PTCSC3: variants seen among roughly 807,000 people sequenced by gnomAD.
PTCSC3 encodes papillary thyroid carcinoma susceptibility candidate 3.
At chr14:36,166,620 G>A (rs2139110977) in intron 1 of PTCSC3, among the ~76,000 whole-genome samples, 1 of 151,894 alleles carries the variant, frequency 6.6e-6, no homozygotes, top group Non-Finnish European at 1.5e-5. Context: ...TTCCTTTATT[G>A]TTACAGTTGT....
chr14:36,140,727 A>G (rs1016108429), intron 3 of PTCSC3, among the ~76,000 whole-genome samples: 1 of 152,092 alleles, frequency 6.6e-6, no homozygotes, highest in Non-Finnish European at 1.5e-5. Context: ...TTTTTAGAGC[A>G]GAAAATTTTA....
intron 2 of PTCSC3, among the ~76,000 whole-genome samples, chr14:36,159,923 A>G (rs1022993849): frequency 6.6e-5 from 10 of 152,146 alleles, no homozygotes; most frequent in Non-Finnish European, 1.5e-4. Context: ...CTGGGTGCAT[A>G]TATATTTAGG....
At chr14:36,156,989 ACT>A (rs1436620026) in intron 2 of PTCSC3, among the ~76,000 whole-genome samples, 1 of 152,150 alleles carries the variant, frequency 6.6e-6, no homozygotes, top group African/African-American at 2.4e-5. Flanking sequence ...GAATCGCCAC[ACT>A]GTCTTCCACA....
At chr14:36,139,113 C>CAAA (rs1396431052) in intron 3 of PTCSC3, among the ~76,000 whole-genome samples, 1 of 73,882 alleles carries the variant, frequency 1.4e-5, no homozygotes, top group Non-Finnish European at 3.1e-5. Context: ...GACTCCATCT[C>CAAA]AAAAATAAAA....
chr14:36,139,206 C>A (rs1416496493), intron 3 of PTCSC3, among the ~76,000 whole-genome samples: 1 of 150,924 alleles, frequency 6.6e-6, no homozygotes, highest in Admixed American at 6.6e-5. Context: ...TAATAAGAGC[C>A]TTGAACTGAA....
chr14:36,152,258 C>A (rs771514630), intron 3 of PTCSC3, among the ~76,000 whole-genome samples: 1 of 151,758 alleles, frequency 6.6e-6, no homozygotes, highest in Non-Finnish European at 1.5e-5. Context: ...ATAAATTGGA[C>A]TTTATTAAAA....
chr14:36,139,113 C>CAAAAAAA (rs1396431052), intron 3 of PTCSC3, among the ~76,000 whole-genome samples: 1 of 73,856 alleles, frequency 1.4e-5, no homozygotes, highest in African/African-American at 4.3e-5. Flanking sequence ...GACTCCATCT[C>CAAAAAAA]AAAAATAAAA....
chr14:36,142,822 A>C, intron 3 of PTCSC3, among the ~76,000 whole-genome samples: 1 of 100,554 alleles, frequency 9.9e-6, no homozygotes, highest in Non-Finnish European at 1.9e-5. Context: ...CCCACCCCAC[A>C]ACAGTCCCCA....
chr14:36,146,532 C>T (rs1438942330), intron 3 of PTCSC3, among the ~76,000 whole-genome samples: 2 of 118,412 alleles, frequency 1.7e-5, no homozygotes, highest in Admixed American at 1.7e-4. Flanking sequence ...TTCCTCCATC[C>T]TTTTATTTTG....
chr14:36,168,055 G>A (rs757369148), intron 1 of PTCSC3, among the ~76,000 whole-genome samples: 5 of 152,066 alleles, frequency 3.3e-5, no homozygotes, highest in Admixed American at 2.0e-4. Flanking sequence ...GAAGTCCAGT[G>A]ATGCTGGTAG....
chr14:36,151,804 A>C (rs1881730382), intron 3 of PTCSC3, among the ~76,000 whole-genome samples: 1 of 152,192 alleles, frequency 6.6e-6, no homozygotes, highest in East Asian at 1.9e-4. Flanking sequence ...GAAGACCAGA[A>C]TGCTCTGGGC....
intron 1 of PTCSC3, among the ~76,000 whole-genome samples, chr14:36,175,147 C>T (rs571298159): frequency 2.6e-4 from 39 of 152,292 alleles, no homozygotes; most frequent in African/African-American, 8.7e-4. Flanking sequence ...TTACCCTGAA[C>T]GCTGATGTCT....
intron 2 of PTCSC3, among the ~76,000 whole-genome samples, chr14:36,162,033 C>T (rs926852849): frequency 6.6e-6 from 1 of 152,124 alleles, no homozygotes; most frequent in African/African-American, 2.4e-5. Flanking sequence ...CTACTCACAC[C>T]TCAGTAATGG....
rs58223160 is a variant in PTCSC3 at position 36,162,258 on chromosome 14, G to GAA, written n.231+364_231+365dup. ...GCGTTCCAGGAGCTGCTGGGGTATG[G>GAA]AAAAAAAAAAAAAAAAAAAAAAAAA... On this transcript the variant is annotated intron_variant and non_coding_transcript_variant, in intron 2 of 3. Transcript: ENST00000556013. Among the ~76,000 whole-genome samples the GAA allele has an allele frequency of 4.0e-3, 423 of 106,506 alleles. 26 individuals carry two copies. Among genetic ancestry groups the GAA allele is most frequent in the African/African-American group, 0.019 (396 of 20,738 alleles). The allele number at this position is 106,506 out of a possible 152,430, so 69.9% of individuals were successfully genotyped here.
At chr14:36,147,742 T>G (rs377692257) in intron 3 of PTCSC3, among the ~76,000 whole-genome samples, 3 of 152,188 alleles carry the variant, frequency 2.0e-5, no homozygotes, top group Admixed American at 6.5e-5. Context: ...GGCGCTCTGC[T>G]TTTTAGAGTT....
At chr14:36,171,295 G>A (rs919967942) in intron 1 of PTCSC3, among the ~76,000 whole-genome samples, 2 of 152,048 alleles carry the variant, frequency 1.3e-5, no homozygotes, top group African/African-American at 4.8e-5. Flanking sequence ...ATTCTTTTGA[G>A]GTAGCAGATA....
At chr14:36,142,361 G>C (rs1881442739) in intron 3 of PTCSC3, among the ~76,000 whole-genome samples, 1 of 152,194 alleles carries the variant, frequency 6.6e-6, no homozygotes, top group African/African-American at 2.4e-5. Context: ...CCGTATGGTT[G>C]TGATGGATTG....
In PTCSC3 at chr14:36,153,885, G is replaced by A. The variant is rs983956611; in HGVS notation, n.241C>T. 3.3e-5 allele frequency: 5 copies of A among 151,964 alleles called. No individual in the cohort carries two copies. The East Asian group carries it at 5.8e-4, about 18-fold the overall frequency. 9.4% of individuals were successfully genotyped at this position (151,964 alleles called of 1,614,324 possible). On this transcript the variant is annotated non_coding_transcript_exon_variant, in exon 3 of 4. Transcript: ENST00000556013. ...TTGAGAACAGCTTGGGCAACGTGTC[G>A]AGACTCCATCTCTCCAAAAAAATAC... is the stretch of plus-strand genomic sequence containing the variant.
At chr14:36,162,729 TTACCTTG>T (rs374975204) in intron 1 of PTCSC3, 1 of 152,358 alleles carries the variant, frequency 6.6e-6, no homozygotes, top group African/African-American at 2.4e-5. Flanking sequence ...CCATGATAGA[TTACCTTG>T]TAGTTTTGTG....
Sources: allele counts gnomAD v4.1 joint callset (sites outside exome capture counted in the v4.1 genomes callset), GRCh38; gene constraint gnomAD v4.1.1; transcripts MANE v1.5; gene names NCBI Gene and HGNC (gene_info 2026-07-23, HGNC 2026-07-21).